Variants in DNAJC13 observed in about 807,000 individuals in gnomAD.
DNAJC13 encodes DnaJ heat shock protein family (Hsp40) member C13, also known as dnaJ homolog subfamily C member 13.
A neutral mutation model predicts 290.5 loss-of-function variants in DNAJC13; 75 were observed. The ratio of observed to expected loss-of-function variants is 0.26; its 90% CI spans 0.21 to 0.31. DNAJC13 has a LOEUF of 0.31. DNAJC13 is among the 10% of genes least tolerant of loss of function. The pLI, the probability that DNAJC13 is intolerant of heterozygous loss-of-function variation, is 1.00. For synonymous variants in DNAJC13, 862 were observed against 892.0 expected (o/e 0.97, Z 0.60); for missense variants, 2,260 against 2,674.5 (o/e 0.85, Z 3.42).
At chr3:132,487,129 C>T (rs537858683) in intron 29 of DNAJC13, among the ~76,000 whole-genome samples, 1 of 151,914 alleles carries the variant, frequency 6.6e-6, no homozygotes, top group African/African-American at 2.4e-5. Flanking sequence ...GATAAGACAC[C>T]AAAGCATAGA....
chr3:132,535,199 A>T (rs978281353), intron 55 of DNAJC13, among the ~76,000 whole-genome samples: 10 of 152,248 alleles, frequency 6.6e-5, no homozygotes, highest in African/African-American at 2.4e-4. Flanking sequence ...TCAAAGTAAG[A>T]TAAAAATGAC....
rs977989797 is a variant in DNAJC13, at chr3:132,457,548, A to C, written c.1449+180A>C. The C allele has an allele frequency of 1.3e-5, 7 of 548,358 alleles. No individual in the cohort carries two copies. In the African/African-American group the frequency reaches 1.3e-4, roughly 10 times the overall value. 34.0% of individuals were successfully genotyped at this position (548,358 alleles called of 1,614,324 possible). ...AATACCAGGCAATGTGCTGTGTGCC[A>C]GAAATTCAAAGATCTTAAGACAGAA... is the stretch of plus-strand genomic sequence containing the variant. On this transcript the variant is annotated intron_variant, in intron 13 of 55. Transcript: ENST00000260818.
chr3:132,476,834 G>C (rs1247809244), intron 22 of DNAJC13, among the ~76,000 whole-genome samples: 2 of 152,026 alleles, frequency 1.3e-5, no homozygotes, highest in Non-Finnish European at 2.9e-5. Context: ...TCGTTATCTG[G>C]GTGGGCCTTC....
In DNAJC13 at chr3:132,478,043, G is replaced by A. The variant is rs1410819055; in HGVS notation, c.2612G>A (p.Cys871Tyr). The A allele has an allele frequency of 6.2e-7, 1 of 1,613,488 alleles. No individual in the cohort carries two copies. Among genetic ancestry groups the A allele is most frequent in the Admixed American group, 1.7e-5 (1 of 59,974 alleles). ...FLLTPKVNMK[C>Y]LCLQALAIVY... ...CTCACCCCAAAAGTAAACATGAAGTGTTTATGTTTACAAGCCCTTGCTATT... is the reference window on the plus strand; with the variant it reads ...CTCACCCCAAAAGTAAACATGAAGTATTTATGTTTACAAGCCCTTGCTATT... Residue 871 changes from cysteine to tyrosine, a missense_variant, in exon 24 of 56, where the codon TGT becomes TAT. Physicochemically the swap from Cys to Tyr is radical, Grantham distance 194 (BLOSUM62 -2). This residue lies in a region of DNAJC13 where 1,494 missense variants were observed against 1,693.7 expected (regional missense o/e 0.88). Transcript: ENST00000260818.
chr3:132,529,546 G>A (rs1936352093), intron 54 of DNAJC13, among the ~76,000 whole-genome samples: 1 of 152,210 alleles, frequency 6.6e-6, no homozygotes. Context: ...CCAGCACTTT[G>A]GGAGGCCGAG....
intron 2 of DNAJC13, among the ~76,000 whole-genome samples, chr3:132,442,129 T>TAA (rs35160310): frequency 5.2e-4 from 75 of 143,764 alleles, no homozygotes; most frequent in East Asian, 4.2e-3. Flanking sequence ...TGCCATATGT[T>TAA]AAAAAAAAAA....
At chr3:132,533,017 C>T (rs1331219594) in intron 55 of DNAJC13, among the ~76,000 whole-genome samples, 1 of 148,802 alleles carries the variant, frequency 6.7e-6, no homozygotes, top group East Asian at 2.0e-4. Flanking sequence ...CCTCGGCCTC[C>T]CAAAGTGCTG....
intron 48 of DNAJC13, among the ~76,000 whole-genome samples, chr3:132,519,875 G>A (rs921884388): frequency 6.6e-6 from 1 of 152,120 alleles, no homozygotes; most frequent in African/African-American, 2.4e-5. Context: ...GAGGTTTATT[G>A]GACTTACATC....
At chr3:132,501,591 A>G (rs1369999567) in intron 39 of DNAJC13, among the ~76,000 whole-genome samples, 1 of 152,046 alleles carries the variant, frequency 6.6e-6, no homozygotes. Context: ...AGAAAAAAAA[A>G]CAGGGCCATG....
intron 1 of DNAJC13, among the ~76,000 whole-genome samples, chr3:132,427,774 T>C (rs911574667): frequency 1.3e-5 from 2 of 152,188 alleles, no homozygotes; most frequent in East Asian, 1.9e-4. Context: ...AAATAAGATA[T>C]AGTAGAATTA....
chr3:132,478,273 A>T, intron 24 of DNAJC13, 133 bp downstream of exon 24: 1 of 748,142 alleles, frequency 1.3e-6, no homozygotes, highest in Non-Finnish European at 2.0e-6. Flanking sequence ...TCTGTAATTT[A>T]TACTTATTTA....
Position 132,453,690 on chromosome 3 carries a change from G to A in DNAJC13, c.836G>A (p.Gly279Glu). 6.2e-7 allele frequency: 1 copy of A among 1,605,756 alleles called. No homozygotes were observed. Among genetic ancestry groups the A allele is most frequent in the Non-Finnish European group, 8.5e-7 (1 of 1,177,346 alleles). Reference protein sequence around the residue: ...TYNIATLKPLGEVFALVCDSE... With the variant: ...TYNIATLKPLEEVFALVCDSE... ...AATATTGCAACATTGAAGCCTTTAGGAGAAGTAAGTTTCAGCATTGTTAGC... is the reference window on the plus strand; with the variant it reads ...AATATTGCAACATTGAAGCCTTTAGAAGAAGTAAGTTTCAGCATTGTTAGC... The change falls in exon 8 of 56, where the codon GGA becomes GAA. Residue 279 changes from glycine (G) to glutamate (E), a missense_variant. Around this residue, in one of 3 missense-constraint regions of DNAJC13, gnomAD observed 762 missense variants for 964.1 expected, o/e 0.79. Coordinates refer to ENST00000260818, the MANE Select transcript of DNAJC13 (RefSeq NM_015268.4).
intron 13 of DNAJC13, among the ~76,000 whole-genome samples, chr3:132,459,792 C>T (rs1382207220): frequency 2.6e-5 from 4 of 152,140 alleles, no homozygotes; most frequent in Middle Eastern, 3.2e-3. Flanking sequence ...CCTTGCGTAA[C>T]GTCTCCCAGT....
At chr3:132,435,959 G>A (rs868314935) in intron 2 of DNAJC13, among the ~76,000 whole-genome samples, 17 of 151,990 alleles carry the variant, frequency 1.1e-4, no homozygotes, top group Middle Eastern at 3.4e-3. Flanking sequence ...TTTTTTCCTC[G>A]TAATAATTCA....
chr3:132,476,609 T>A (rs1934481304), intron 22 of DNAJC13, among the ~76,000 whole-genome samples: 1 of 152,198 alleles, frequency 6.6e-6, no homozygotes, highest in African/African-American at 2.4e-5. Context: ...AAAACCAGCA[T>A]CTGTGTAACC....
At chr3:132,483,024 C>G (rs1191000916) in intron 27 of DNAJC13, among the ~76,000 whole-genome samples, 1 of 152,134 alleles carries the variant, frequency 6.6e-6, no homozygotes, top group Non-Finnish European at 1.5e-5. Context: ...TTGATCCTGC[C>G]TCTGATCTTC....
At chr3:132,471,351 C>T (rs964068605) in intron 20 of DNAJC13, among the ~76,000 whole-genome samples, 134 of 137,688 alleles carry the variant, frequency 9.7e-4, no homozygotes, top group African/African-American at 1.5e-3. Context: ...GTTGACCCCC[C>T]CCCACCTCCC....
chr3:132,485,191 G>A (rs2107700763), intron 29 of DNAJC13, among the ~76,000 whole-genome samples: 1 of 152,150 alleles, frequency 6.6e-6, no homozygotes, highest in South Asian at 2.1e-4. Context: ...AGGCTGAAGT[G>A]CAGTGGCAGG....
intron 45 of DNAJC13, among the ~76,000 whole-genome samples, chr3:132,514,226 C>T (rs1209571812): frequency 6.6e-6 from 1 of 152,092 alleles, no homozygotes; most frequent in Non-Finnish European, 1.5e-5. Flanking sequence ...GTGCAGGGTA[C>T]TGAAGACATT....
Sources: allele counts gnomAD v4.1 joint callset (sites outside exome capture counted in the v4.1 genomes callset), GRCh38; gene constraint gnomAD v4.1.1; regional missense constraint gnomAD v4.1.1; transcripts MANE v1.5; gene names NCBI Gene and HGNC (gene_info 2026-07-23, HGNC 2026-07-21).